The following NPAT variants were observed in gnomAD, a reference collection of about 807,000 sequenced individuals.
The protein encoded by NPAT is nuclear protein, coactivator of histone transcription, also known as protein NPAT.
NPAT carries 52 observed loss-of-function variants against 130.7 expected under a neutral mutation model. The observed-to-expected ratio is 0.40, with a 90% confidence interval of 0.32 to 0.50. The LOEUF (loss-of-function observed/expected upper bound fraction) is 0.50. Ranked by LOEUF, NPAT falls within the 20% of genes least tolerant of loss-of-function variation. The probability of loss-of-function intolerance (pLI) is 0.68; values close to 1 mark genes in which losing one functional copy is unlikely to be tolerated. For synonymous variants in NPAT, 580 were observed against 584.8 expected (o/e 0.99, Z 0.12); for missense variants, 1,687 against 1,662.6 (o/e 1.01, Z -0.26).
At chr11:108,195,506 G>A (rs1022291195) in intron 2 of NPAT, among the ~76,000 whole-genome samples, 1 of 152,150 alleles carries the variant, frequency 6.6e-6, no homozygotes, top group Non-Finnish European at 1.5e-5. Context: ...CTTTGGTAAA[G>A]TATCTTCAGA....
chr11:108,192,391 A>G (rs1226735318), intron 3 of NPAT, among the ~76,000 whole-genome samples: 1 of 152,230 alleles, frequency 6.6e-6, no homozygotes, highest in African/African-American at 2.4e-5. Flanking sequence ...TATCAGATAC[A>G]ATATGAGTAG....
Position 108,172,988 on chromosome 11 carries a change from C to T in NPAT, c.1996G>A (p.Val666Ile). ...AGAAAAATAGTATTCTCTTCTTTTA[C>T]AGAAGATGAAGGCTCCTGTGAATTC... ...SENSQEPSSS[V>I]KEENTIFLSL... The change falls in exon 13 of 18, where the codon GTA (valine) becomes ATA (isoleucine). Residue 666 changes from valine to isoleucine, a missense_variant. By Grantham distance (29) the Val-to-Ile change is conservative. This residue lies in a region of NPAT where 1,379 missense variants were observed against 1,346.6 expected (regional missense o/e 1.02). Coordinates refer to ENST00000278612, the MANE Select transcript of NPAT (RefSeq NM_002519.3). 6.2e-7 allele frequency: 1 copy of T among 1,614,104 alleles called. No homozygotes were observed. Among genetic ancestry groups the T allele is most frequent in the Non-Finnish European group, 8.5e-7 (1 of 1,180,020 alleles).
chr11:108,171,295 G>A (rs918169628), intron 13 of NPAT: 4 of 150,800 alleles, frequency 2.7e-5, no homozygotes, highest in East Asian at 2.0e-4. Flanking sequence ...GCCAATTTTT[G>A]TATTTTTAGT....
chr11:108,185,145 C>A, intron 10 of NPAT, 87 bp downstream of exon 10: 5 of 848,598 alleles, frequency 5.9e-6, no homozygotes, highest in Non-Finnish European at 1.0e-5. Context: ...CTTATGTTGG[C>A]AATGGTTTTG....
intron 1 of NPAT, among the ~76,000 whole-genome samples, chr11:108,219,732 AAACAACAAC>A (rs145766814): frequency 3.8e-4 from 58 of 151,380 alleles, no homozygotes; most frequent in Admixed American, 2.1e-3. Flanking sequence ...CATTAAAAAC[AAACAACAAC>A]AACAACAACA....
intron 1 of NPAT, among the ~76,000 whole-genome samples, chr11:108,198,431 A>G (rs1565323147): frequency 6.6e-6 from 1 of 152,226 alleles, no homozygotes; most frequent in Non-Finnish European, 1.5e-5. Flanking sequence ...CTAGAAAATT[A>G]TGAGAATAAT....
chr11:108,173,983 G>A (rs2077981090), intron 12 of NPAT, 132 bp from the exon 13 acceptor site: 5 of 790,106 alleles, frequency 6.3e-6, no homozygotes, highest in South Asian at 2.9e-5. Flanking sequence ...AGTCTGATAC[G>A]CTGTGTTTCC....
chr11:108,190,257 G>A (rs1455990296), intron 5 of NPAT, among the ~76,000 whole-genome samples: 2 of 137,736 alleles, frequency 1.5e-5, no homozygotes, highest in South Asian at 2.3e-4. Context: ...AGGTTGCAGT[G>A]AGCTGAGATC....
rs576652200 is a variant in NPAT at position 108,181,448 on chromosome 11, G to C, written c.906+3784C>G. On this transcript the variant is annotated intron_variant, in intron 10 of 17. Transcript: ENST00000278612. ...CCACTGCATTCCAGCCAGGGTGACAGAGCGAGACTCTGTCTCAAAAAAAAC... is the reference window on the plus strand; with the variant it reads ...CCACTGCATTCCAGCCAGGGTGACACAGCGAGACTCTGTCTCAAAAAAAAC... 7.4e-5 allele frequency among the ~76,000 whole-genome samples: 11 copies of C among 147,992 alleles called. No homozygotes were observed. In the East Asian group the frequency reaches 2.2e-3, roughly 29 times the overall value.
intron 1 of NPAT, among the ~76,000 whole-genome samples, chr11:108,203,280 C>T (rs1020253096): frequency 6.6e-6 from 1 of 152,160 alleles, no homozygotes; most frequent in Non-Finnish European, 1.5e-5. Context: ...CCAATAGGAA[C>T]TGAAACAACT....
At chr11:108,176,480 G>GT (rs2078007592) in intron 11 of NPAT, 106 bp from the exon 12 acceptor site, 1 of 833,026 alleles carries the variant, frequency 1.2e-6, no homozygotes, top group Non-Finnish European at 2.0e-6. Context: ...TCGATTTAGG[G>GT]TTTTATGGAT....
chr11:108,219,961 T>C lies in NPAT; in HGVS notation c.37+2539A>G, dbSNP rs186862562. 1.7e-3 allele frequency among the ~76,000 whole-genome samples: 254 copies of C among 152,322 alleles called. 1 individual carries two copies. Among genetic ancestry groups the C allele is most frequent in the African/African-American group, 5.8e-3 (242 of 41,576 alleles). The stretch of plus-strand genomic sequence containing the variant: ...CAGAGATCAGGCATGACCTGAACCT[T>C]GAATAGAAGTGTACTAGGAAGACAA... On this transcript the variant is annotated intron_variant, in intron 1 of 17. Coordinates refer to ENST00000278612, the MANE Select transcript of NPAT (RefSeq NM_002519.3).
In NPAT at chr11:108,192,941, G is replaced by A. The variant is rs545603734; in HGVS notation, c.218-751C>T. ...TGCACTCCAGCCTGGGCAACAGAGC[G>A]AGACTCCCGTCTCAAAAAAAAAACA... On this transcript the variant is annotated intron_variant, in intron 3 of 17. Coordinates refer to ENST00000278612, the MANE Select transcript of NPAT (RefSeq NM_002519.3). 9.2e-4 allele frequency among the ~76,000 whole-genome samples: 139 copies of A among 151,400 alleles called. 1 individual carries two copies. Among genetic ancestry groups the A allele is most frequent in the African/African-American group, 2.6e-3 (107 of 41,110 alleles).
chr11:108,165,452 T>TTATATATATA (rs10678040), intron 15 of NPAT, among the ~76,000 whole-genome samples: 8 of 133,914 alleles, frequency 6.0e-5, no homozygotes, highest in Non-Finnish European at 1.1e-4. Context: ...ACATATGTAT[T>TTATATATATA]TATATATATA....
chr11:108,161,849 T>TA lies in NPAT; in HGVS notation c.3236_3237insT (p.Asn1080LysfsTer3). 6.2e-7 allele frequency: 1 copy of TA among 1,614,164 alleles called. No individual in the cohort carries two copies. The highest frequency in any genetic ancestry group is 8.5e-7 in the Non-Finnish European group (1 of 1,180,036). On this transcript the variant is annotated frameshift_variant, in exon 17 of 18. Coordinates refer to ENST00000278612, the MANE Select transcript of NPAT (RefSeq NM_002519.3). LOFTEE classifies it high-confidence loss of function. ...TGTTTTGGGACACCATCTTATGGTT[T>TA]GGCCCCTGCGTATTTGCCACAGGAG... is the stretch of plus-strand genomic sequence containing the variant.
At chr11:108,177,363 T>G (rs990861678) in intron 10 of NPAT, among the ~76,000 whole-genome samples, 24 of 152,040 alleles carry the variant, frequency 1.6e-4, no homozygotes, top group Non-Finnish European at 3.2e-4. Flanking sequence ...GGTTGCTACC[T>G]TGCCCAGGGT....
In NPAT at chr11:108,185,292, C is replaced by T; in HGVS notation, c.846G>A (p.Lys282=). 1 of 1,611,818 alleles carries T rather than the reference C, an allele frequency of 6.2e-7. No individual in the cohort carries two copies. Among genetic ancestry groups the T allele is most frequent in the Non-Finnish European group, 8.5e-7 (1 of 1,178,646 alleles). Residue 282 remains lysine (K), a synonymous_variant, in exon 10 of 18, where the codon AAG becomes AAA. Coordinates refer to ENST00000278612, the MANE Select transcript of NPAT (RefSeq NM_002519.3). ...TSDNNIAQVP[K]QTDNNPTEPE... is the part of the protein sequence containing the mutation. ...GCTCCGTAGGGTTGTTATCTGTTTG[C>T]TTAGGTACTTGGGCAATATTGTTAT...
intron 6 of NPAT, 64 bp from the exon 7 acceptor site, chr11:108,188,243 G>T (rs527591105): frequency 2.5e-6 from 3 of 1,180,888 alleles, no homozygotes; most frequent in African/African-American, 1.5e-5. Flanking sequence ...ACTTGTAATG[G>T]GATAAAAAGC....
At chr11:108,177,656 A>G (rs117923923) in intron 10 of NPAT, among the ~76,000 whole-genome samples, 2,291 of 152,328 alleles carry the variant, frequency 0.015, 24 homozygotes, top group Non-Finnish European at 0.025. Flanking sequence ...ATTCCTAAAC[A>G]TTAAAATGAT....
Sources: gnomAD v4.1 joint callset for allele counts (sites outside exome capture counted in the v4.1 genomes callset) on GRCh38, gnomAD v4.1.1 for gene constraint, gnomAD v4.1.1 regional missense constraint, MANE v1.5 for transcripts, NCBI Gene and HGNC (gene_info 2026-07-23, HGNC 2026-07-21) for gene names.